Variants in TACC1 observed in about 807,000 individuals in gnomAD.
TACC1 encodes transforming acidic coiled-coil containing protein 1.
A neutral mutation model predicts 84.4 loss-of-function variants in TACC1; 48 were observed. The ratio of observed to expected loss-of-function variants is 0.57; its 90% CI spans 0.45 to 0.72. The LOEUF is 0.72. Among genes scored for constraint, TACC1 ranks in the 30% least tolerant of loss-of-function variants. The pLI, the probability that TACC1 is intolerant of heterozygous loss-of-function variation, is 0.00. For missense variants in TACC1, 920 were observed against 973.0 expected (o/e 0.95, Z 0.72); for synonymous variants, 372 against 376.3 (o/e 0.99, Z 0.13).
intron 2 of TACC1, among the ~76,000 whole-genome samples, chr8:38,743,528 G>C (rs1439108804): frequency 6.6e-6 from 1 of 152,164 alleles, no homozygotes; most frequent in East Asian, 1.9e-4. Flanking sequence ...CTTATCTATA[G>C]AGTAGGGTGA....
chr8:38,771,335 A>G (rs957284574), intron 3 of TACC1, among the ~76,000 whole-genome samples: 4 of 152,168 alleles, frequency 2.6e-5, no homozygotes, highest in Non-Finnish European at 5.9e-5. Context: ...TAAGGCAGAC[A>G]AGGACAGAAA....
chr8:38,831,268 T>C, intron 6 of TACC1, 91 bp downstream of exon 6: 4 of 1,262,662 alleles, frequency 3.2e-6, no homozygotes, highest in Non-Finnish European at 4.6e-6. Flanking sequence ...TTCTGGTCAG[T>C]GTTAGGTGAT....
intron 1 of TACC1, among the ~76,000 whole-genome samples, chr8:38,731,284 G>A (rs1804876738): frequency 2.0e-5 from 3 of 152,130 alleles, no homozygotes; most frequent in Admixed American, 6.5e-5. Context: ...TGTAGCCAGA[G>A]TGCCTGGGTT....
exon 3 of TACC1, chr8:38,745,267 T>C: frequency 2.1e-6 from 1 of 487,726 alleles, no homozygotes; most frequent in East Asian, 3.3e-5. Flanking sequence ...GAAACAGAGC[T>C]CGCAGTTCAG....
rs140261074 is a variant in TACC1 at position 38,819,471 on chromosome 8, T to C, written c.278-51T>C. The C allele has an allele frequency of 1.9e-3, 2,884 of 1,541,806 alleles. 4 individuals are homozygous for C. The highest frequency in any genetic ancestry group is 2.3e-3 in the Non-Finnish European group (2,666 of 1,142,950). ...TATGAATTCAGGTAAGAGAGGATAC[T>C]TACCAGTGACAGATAATTCTTTAAT... is the stretch of plus-strand genomic sequence containing the variant. On this transcript the variant is annotated intron_variant, in intron 2 of 12. Coordinates refer to ENST00000317827, the MANE Select transcript of TACC1 (RefSeq NM_006283.3).
At position 38,851,139 on chromosome 8, in the gene TACC1, C is replaced by T. The variant is rs1464543818; in HGVS notation, c.*3116C>T. 6.6e-6 allele frequency: 1 copy of T among 152,148 alleles called. No homozygotes were observed. The highest frequency in any genetic ancestry group is 1.9e-4 in the East Asian group (1 of 5,188). 9.4% of individuals were successfully genotyped at this position (152,148 alleles called of 1,614,324 possible). A position where few individuals can be genotyped will look rare whatever the true frequency, so the allele number is the denominator to read the frequency against. On this transcript the variant is annotated 3_prime_UTR_variant, in exon 13 of 13. Coordinates refer to ENST00000317827, the MANE Select transcript of TACC1 (RefSeq NM_006283.3). Reference sequence around the variant, plus strand: ...GTTTCTAGCTTCTTCAGACTCAGCCCAAATTAGGAAGTGCAGAAGCACATG... The same window carrying T: ...GTTTCTAGCTTCTTCAGACTCAGCCTAAATTAGGAAGTGCAGAAGCACATG...
chr8:38,811,706 A>G (rs540690216), intron 2 of TACC1, among the ~76,000 whole-genome samples: 5 of 152,178 alleles, frequency 3.3e-5, no homozygotes, highest in Non-Finnish European at 5.9e-5. Flanking sequence ...CAGGACCACT[A>G]TTGTACAAAT....
In TACC1 at chr8:38,838,477, C is replaced by T; in HGVS notation, c.1847C>T (p.Thr616Ile). The change falls in exon 8 of 13, where the codon ACT becomes ATT. Residue 616 changes from threonine to isoleucine, a missense_variant. Coordinates refer to ENST00000317827, the MANE Select transcript of TACC1 (RefSeq NM_006283.3). ...AGCTTTATTGTACTCTAGATAATTA[C>T]TAAAGAGATTGAAGCAAATGAATGG... ...VLTLIREEII[T>I]KEIEANEWKK... 1.2e-6 allele frequency: 2 copies of T among 1,612,052 alleles called. No homozygotes were observed. Among genetic ancestry groups the T allele is most frequent in the East Asian group, 2.2e-5 (1 of 44,848 alleles).
intron 3 of TACC1, 43 bp from the exon 4 acceptor site, chr8:38,825,265 G>A (rs1470954391): frequency 1.2e-6 from 2 of 1,606,844 alleles, no homozygotes; most frequent in Non-Finnish European, 1.7e-6. Flanking sequence ...ACAATTGTCA[G>A]TGTGATTGCA....
At chr8:38,845,381 C>T (rs754513251) in intron 11 of TACC1, among the ~76,000 whole-genome samples, 2 of 152,156 alleles carry the variant, frequency 1.3e-5, no homozygotes, top group Non-Finnish European at 2.9e-5. Context: ...TTACAGATGC[C>T]TCTATATATT....
At chr8:38,821,529 G>A (rs1218591848) in intron 3 of TACC1, among the ~76,000 whole-genome samples, 1 of 152,126 alleles carries the variant, frequency 6.6e-6, no homozygotes, top group East Asian at 1.9e-4. Context: ...TCAGCCAGGA[G>A]GTAAAATTTC....
Position 38,836,067 on chromosome 8 carries a change from G to A in TACC1, c.1714-95G>A. On this transcript the variant is annotated intron_variant, in intron 6 of 12. Coordinates refer to ENST00000317827, the MANE Select transcript of TACC1 (RefSeq NM_006283.3). Reference sequence around the variant, plus strand: ...CTTTTCTTTAAACATGGTTTTAAAGGATGTGATCAATTTAGTAATGAGGAA... The same window carrying A: ...CTTTTCTTTAAACATGGTTTTAAAGAATGTGATCAATTTAGTAATGAGGAA... The A allele has an allele frequency of 3.3e-6, 5 of 1,522,236 alleles. No individual in the cohort carries two copies. In the South Asian group the frequency reaches 4.7e-5, roughly 14 times the overall value. The allele number at this position is 1,522,236 out of a possible 1,614,324, so 94.3% of individuals were successfully genotyped here. A position where few individuals can be genotyped will look rare whatever the true frequency, so the allele number is the denominator to read the frequency against.
intron 6 of TACC1, among the ~76,000 whole-genome samples, chr8:38,832,276 G>T (rs1205968461): frequency 6.6e-6 from 1 of 152,226 alleles, no homozygotes. Flanking sequence ...AGAATACACT[G>T]TTGTGTTAGA....
chr8:38,769,499 GGTGT>G (rs750700879), intron 3 of TACC1, among the ~76,000 whole-genome samples: 1 of 137,878 alleles, frequency 7.3e-6, no homozygotes, highest in Admixed American at 7.2e-5. Flanking sequence ...GAGGGTATGT[GGTGT>G]GTGTGTGTGG....
chr8:38,760,399 G>A (rs1421692624), intron 3 of TACC1, among the ~76,000 whole-genome samples: 1 of 152,222 alleles, frequency 6.6e-6, no homozygotes, highest in Non-Finnish European at 1.5e-5. Flanking sequence ...AGAAATTGTG[G>A]AGTCAGGCAG....
rs567591316 is a variant in TACC1 at position 38,757,476 on chromosome 8, G to T, written c.26+11983G>T. ...TGCGTGCCAGCCCGGGATGGAGCGC[G>T]CTGGGGCCCGTCCCAGAAAGGCTGG... is the stretch of plus-strand genomic sequence containing the variant. On this transcript the variant is annotated intron_variant, in intron 3 of 14. Transcript: ENST00000518415. 1.3e-4 allele frequency: 139 copies of T among 1,095,942 alleles called. 1 individual carries two copies. In the South Asian group the frequency reaches 2.6e-3, roughly 20 times the overall value. 67.9% of individuals were successfully genotyped at this position (1,095,942 alleles called of 1,614,324 possible). A position where few individuals can be genotyped will look rare whatever the true frequency, so the allele number is the denominator to read the frequency against.
At chr8:38,808,124 C>T (rs756126842) in intron 2 of TACC1, among the ~76,000 whole-genome samples, 2 of 152,186 alleles carry the variant, frequency 1.3e-5, no homozygotes, top group Non-Finnish European at 2.9e-5. Context: ...AGCCGCCAGG[C>T]AATGCTGTGC....
rs372146449 is a variant in TACC1, at chr8:38,745,669, G to A, written c.26+176G>A. ...AGGAATTCTCCTGTCTCAGCCTTCC[G>A]AGTAGCTGGGACTACAGGCGCACGC... On this transcript the variant is annotated intron_variant, in intron 3 of 14. Coordinates refer to the TACC1 transcript ENST00000518415. Among the ~76,000 whole-genome samples, 32 of 151,868 alleles carry A rather than the reference G, an allele frequency of 2.1e-4. No individual in the cohort carries two copies. In the South Asian group the frequency reaches 5.6e-3, roughly 27 times the overall value.
chr8:38,837,105 C>CTTTT (rs11414868), intron 7 of TACC1, among the ~76,000 whole-genome samples: 3 of 120,916 alleles, frequency 2.5e-5, no homozygotes, highest in Admixed American at 8.6e-5. Flanking sequence ...CCACCAAAAT[C>CTTTT]TTTTTTTTTT....
Sources: gnomAD v4.1 joint callset for allele counts (sites outside exome capture counted in the v4.1 genomes callset) on GRCh38, gnomAD v4.1.1 for gene constraint, MANE v1.5 for transcripts, NCBI Gene and HGNC (gene_info 2026-07-23, HGNC 2026-07-21) for gene names.